The following TMEM255B variants were observed in gnomAD, a reference collection of about 807,000 sequenced individuals.
The protein encoded by TMEM255B is family with sequence similarity 70, member B.
Under a neutral mutation model 34.5 loss-of-function variants are expected in TMEM255B, and 35 were observed. That is an observed-to-expected ratio of 1.01 (90% CI 0.77 to 1.34). The LOEUF is 1.34. Ranked by LOEUF, TMEM255B falls within the 40% of genes most tolerant of loss-of-function variation. The probability of loss-of-function intolerance (pLI) is 0.00; values close to 1 mark genes in which losing one functional copy is unlikely to be tolerated. For missense variants in TMEM255B, 432 were observed against 433.2 expected (o/e 1.00, Z 0.02); for synonymous variants, 206 against 201.2 (o/e 1.02, Z -0.20).
chr13:113,778,877 T>C (rs2050623490), intron 3 of TMEM255B, among the ~76,000 whole-genome samples: 1 of 152,242 alleles, frequency 6.6e-6, no homozygotes, highest in African/African-American at 2.4e-5. Context: ...TGCTCACTCC[T>C]GGCCACTGGC....
In TMEM255B at chr13:113,770,653, C is replaced by A. The variant is rs2050463343; in HGVS notation, c.252+1493C>A. Among the ~76,000 whole-genome samples, 1 of 152,152 alleles carries A rather than the reference C, an allele frequency of 6.6e-6. No homozygotes were observed. Among genetic ancestry groups the A allele is most frequent in the South Asian group, 2.1e-4 (1 of 4,822 alleles). ...AGACGGAGAGATAGGCCCGGCATTT[C>A]CTCTCCCACCCACCCCCTGTTGTTG... On this transcript the variant is annotated intron_variant, in intron 3 of 8. Coordinates refer to ENST00000375353, the MANE Select transcript of TMEM255B (RefSeq NM_182614.4). The surrounding 1 kb of genome is among the most constrained non-coding windows in gnomAD (Gnocchi z 4.6).
intron 3 of TMEM255B, among the ~76,000 whole-genome samples, chr13:113,779,635 G>A (rs142266933): frequency 2.6e-4 from 40 of 152,262 alleles, no homozygotes; most frequent in African/African-American, 7.5e-4. Flanking sequence ...GTTTGGGGGC[G>A]TAGAGGGAGC....
intron 1 of TMEM255B, 22 bp from the exon 2 acceptor site, chr13:113,766,093 G>A: frequency 6.2e-7 from 1 of 1,613,400 alleles, no homozygotes; most frequent in Non-Finnish European, 8.5e-7. Flanking sequence ...TCACTGACAG[G>A]TCCTCGCCTT....
rs1317107559 is a variant in TMEM255B, at chr13:113,800,931, C to T, written c.509+19C>T. The T allele has an allele frequency of 8.4e-7, 1 of 1,190,364 alleles. No homozygotes were observed. The highest frequency in any genetic ancestry group is 1.3e-5 in the South Asian group (1 of 75,990). 73.7% of individuals were successfully genotyped at this position (1,190,364 alleles called of 1,614,324 possible). A position where few individuals can be genotyped will look rare whatever the true frequency, so the allele number is the denominator to read the frequency against. On this transcript the variant is annotated intron_variant, in intron 6 of 8. Coordinates refer to ENST00000375353, the MANE Select transcript of TMEM255B (RefSeq NM_182614.4). ...GCGGGAGGTGAGGGGCACCGGGGAC[C>T]CCCATATCTACACCTGCGGGAGGTG... is the stretch of plus-strand genomic sequence containing the variant.
At chr13:113,797,606 C>T (rs1276694814) in intron 4 of TMEM255B, among the ~76,000 whole-genome samples, 2 of 152,238 alleles carry the variant, frequency 1.3e-5, no homozygotes, top group African/African-American at 4.8e-5. Flanking sequence ...CACCCAGAGA[C>T]AGAGACTTGT....
intron 3 of TMEM255B, among the ~76,000 whole-genome samples, chr13:113,777,075 C>T (rs1304202543): frequency 1.3e-5 from 2 of 152,078 alleles, no homozygotes; most frequent in African/African-American, 2.4e-5. Context: ...AAATCCAACT[C>T]ATTTTCTGGC....
In TMEM255B at chr13:113,805,004, C is replaced by T; in HGVS notation, c.789C>T (p.Cys263=). Residue 263 remains cysteine, a synonymous_variant, in exon 8 of 9, where the codon TGC becomes TGT. Coordinates refer to ENST00000375353, the MANE Select transcript of TMEM255B (RefSeq NM_182614.4). ...TGACGCCCGAGCCCGTCCCGACCTG[C>T]TCGTCCTACCCTCTGCCCCTTCAGG... The part of the protein sequence containing the change: ...FRLTPEPVPT[C]SSYPLPLQPC... 6.2e-7 allele frequency: 1 copy of T among 1,605,342 alleles called. No homozygotes were observed. Among genetic ancestry groups the T allele is most frequent in the East Asian group, 2.2e-5 (1 of 44,790 alleles).
Position 113,799,416 on chromosome 13 carries a change from A to G in TMEM255B, c.420A>G (p.Thr140=). 1.2e-6 allele frequency: 2 copies of G among 1,613,904 alleles called. No individual in the cohort carries two copies. Among genetic ancestry groups the G allele is most frequent in the Non-Finnish European group, 1.7e-6 (2 of 1,179,786 alleles). Residue 140 remains threonine, a synonymous_variant, in exon 5 of 9, where the codon ACA becomes ACG. Transcript: ENST00000375353. ...GGTACTTGTACGATGTCTACCAGAC[A>G]GAGGTGAGCAGGAGCACTGAGATTC... ...GVGYLYDVYQ[T]EVTCHSLDGK... is the part of the protein sequence containing the mutation.
At chr13:113,780,301 A>C (rs910339713) in intron 3 of TMEM255B, among the ~76,000 whole-genome samples, 3 of 152,226 alleles carry the variant, frequency 2.0e-5, no homozygotes, top group Non-Finnish European at 2.9e-5. Context: ...TGGTAAAATA[A>C]CCAGTTTCTC....
At chr13:113,779,247 T>A (rs1566727478) in intron 3 of TMEM255B, among the ~76,000 whole-genome samples, 1 of 152,168 alleles carries the variant, frequency 6.6e-6, no homozygotes, top group Non-Finnish European at 1.5e-5. Flanking sequence ...GAACTTAAAA[T>A]GGTGGTGTTT....
intron 8 of TMEM255B, among the ~76,000 whole-genome samples, chr13:113,805,658 A>G (rs1261759812): frequency 2.6e-5 from 4 of 152,194 alleles, no homozygotes; most frequent in Non-Finnish European, 4.4e-5. Flanking sequence ...GGGCTGGCCA[A>G]CCGCTGTGCT....
At position 113,804,949 on chromosome 13, in the gene TMEM255B, A is replaced by G; in HGVS notation, c.734A>G (p.Gln245Arg). The change falls in exon 8 of 9, where the codon CAG becomes CGG. Residue 245 changes from glutamine (Q) to arginine (R), a missense_variant. Transcript: ENST00000375353. ...CCACAGACCCTCTACAACCCCGCCC[A>G]GCAGATCCTGGCCTACGCAGGCTTC... The part of the protein sequence containing the change: ...VPPQTLYNPA[Q>R]QILAYAGFRL... The G allele has an allele frequency of 6.2e-7, 1 of 1,606,502 alleles. No individual in the cohort carries two copies. Among genetic ancestry groups the G allele is most frequent in the Non-Finnish European group, 8.5e-7 (1 of 1,179,780 alleles).
intron 3 of TMEM255B, among the ~76,000 whole-genome samples, chr13:113,778,943 T>TTTATGTTTGTGG (rs1391569593): frequency 6.6e-6 from 1 of 151,994 alleles, no homozygotes; most frequent in Non-Finnish European, 1.5e-5. Flanking sequence ...CAAAAACAGG[T>TTTATGTTTGTGG]TTATGTTGGA....
At chr13:113,766,310 C>A (rs1218232919) in intron 2 of TMEM255B, 53 bp downstream of exon 2, 1 of 1,609,828 alleles carries the variant, frequency 6.2e-7, no homozygotes, top group Non-Finnish European at 8.5e-7. Context: ...TGGTGTGTGG[C>A]TCTCTCAGGG....
intron 1 of TMEM255B, among the ~76,000 whole-genome samples, chr13:113,765,474 A>C (rs1210407302): frequency 6.6e-6 from 1 of 152,156 alleles, no homozygotes; most frequent in Non-Finnish European, 1.5e-5. Flanking sequence ...TTCCCTGCAC[A>C]CACGCACTTA....
In TMEM255B at chr13:113,765,147, C is replaced by T. The variant is rs144576974; in HGVS notation, c.47-968C>T. 4.7e-3 allele frequency among the ~76,000 whole-genome samples: 708 copies of T among 152,206 alleles called. 6 individuals carry two copies. The highest frequency in any genetic ancestry group is 0.016 in the African/African-American group (652 of 41,520). ...TCAAGAGGCAGGCAGGGTGCTGTGC[C>T]GGGGGCTGTGCTGAGTCCAAGAGGG... On this transcript the variant is annotated intron_variant, in intron 1 of 8. Transcript: ENST00000375353.
chr13:113,803,919 C>CGGGTCGTCACCCTGTCCCG (rs144080239), intron 7 of TMEM255B, among the ~76,000 whole-genome samples: 38 of 150,094 alleles, frequency 2.5e-4, no homozygotes, highest in South Asian at 8.6e-4. Flanking sequence ...ACCGTGTCCC[C>CGGGTCGTCACCCTGTCCCG]GGGTTGTCAC....
chr13:113,807,660 T>C (rs1448259445), intron 8 of TMEM255B, among the ~76,000 whole-genome samples: 3 of 114,044 alleles, frequency 2.6e-5, no homozygotes, highest in African/African-American at 1.0e-4. Flanking sequence ...GCTTACGGGA[T>C]GTGGGGGGCG....
At chr13:113,764,190 A>G (rs1422863086) in intron 1 of TMEM255B, among the ~76,000 whole-genome samples, 1 of 152,142 alleles carries the variant, frequency 6.6e-6, no homozygotes, top group African/African-American at 2.4e-5. Context: ...ACTTTAACAG[A>G]CACTGGGTGA....
Sources: gnomAD v4.1 joint callset for allele counts (sites outside exome capture counted in the v4.1 genomes callset) on GRCh38, gnomAD v4.1.1 for gene constraint, Gnocchi (gnomAD v3.1) non-coding constraint, MANE v1.5 for transcripts, NCBI Gene and HGNC (gene_info 2026-07-23, HGNC 2026-07-21) for gene names.